RMDN2: variants seen among roughly 807,000 people sequenced by gnomAD.
RMDN2 encodes the protein regulator of microtubule dynamics 2.
Under a neutral mutation model 52.8 loss-of-function variants are expected in RMDN2, and 61 were observed. The ratio of observed to expected loss-of-function variants is 1.16; its 90% CI spans 0.94 to 1.43. RMDN2 has a LOEUF of 1.43. RMDN2 is among the 40% of genes most tolerant of loss of function. RMDN2 has a pLI of 0.00. For missense variants in RMDN2, 592 were observed against 475.3 expected, an observed-to-expected ratio of 1.25 and a Z score of -2.28; for synonymous variants, 180 against 153.1, an observed-to-expected ratio of 1.18 and a Z score of -1.30.
chr2:38,003,604 G>GATAGATAGATAGA (rs1306774545), intron 8 of RMDN2, among the ~76,000 whole-genome samples: 14 of 103,250 alleles, frequency 1.4e-4, no homozygotes, highest in South Asian at 3.3e-4. Context: ...AGATAGATAG[G>GATAGATAGATAGA]CAGACAGACA....
At chr2:38,028,638 G>A (rs1370529310) in intron 10 of RMDN2, among the ~76,000 whole-genome samples, 1 of 152,120 alleles carries the variant, frequency 6.6e-6, no homozygotes, top group African/African-American at 2.4e-5. Flanking sequence ...GGTGCAAATG[G>A]CTGTGCTGCA....
At chr2:37,934,496 A>T (rs1184529139) in intron 2 of RMDN2, among the ~76,000 whole-genome samples, 1 of 152,190 alleles carries the variant, frequency 6.6e-6, no homozygotes, top group Non-Finnish European at 1.5e-5. Flanking sequence ...TTTGGAAAGC[A>T]TCTTTGCTTC....
chr2:37,961,562 A>T (rs1670243027), intron 2 of RMDN2, among the ~76,000 whole-genome samples: 1 of 151,732 alleles, frequency 6.6e-6, no homozygotes, highest in African/African-American at 2.4e-5. Flanking sequence ...TTCTTCCCTA[A>T]ACTGGTTGTT....
intron 4 of RMDN2, among the ~76,000 whole-genome samples, chr2:37,980,509 G>C (rs955292878): frequency 5.3e-5 from 8 of 152,072 alleles, no homozygotes; most frequent in African/African-American, 1.9e-4. Context: ...TCGCCATGTT[G>C]GCCAGATTGG....
At chr2:37,943,044 G>T (rs1572724155) in intron 2 of RMDN2, among the ~76,000 whole-genome samples, 1 of 152,198 alleles carries the variant, frequency 6.6e-6, no homozygotes, top group East Asian at 1.9e-4. Flanking sequence ...GCCAGCATGA[G>T]CAGCCATCCA....
chr2:38,055,569 C>A (rs2125303917), intron 10 of RMDN2, among the ~76,000 whole-genome samples: 1 of 152,292 alleles, frequency 6.6e-6, no homozygotes, highest in South Asian at 2.1e-4. Flanking sequence ...AGGACAAGAT[C>A]TTTGCATCTT....
intron 1 of RMDN2, among the ~76,000 whole-genome samples, chr2:37,926,338 G>C (rs1356914848): frequency 6.6e-6 from 1 of 152,148 alleles, no homozygotes; most frequent in Non-Finnish European, 1.5e-5. Flanking sequence ...TGTTTCTTCA[G>C]ACATTTCTTC....
At chr2:37,972,530 A>G (rs576082701) in intron 2 of RMDN2, among the ~76,000 whole-genome samples, 29 of 152,316 alleles carry the variant, frequency 1.9e-4, no homozygotes, top group Admixed American at 3.3e-4. Context: ...GACCCCTGAA[A>G]GGACTTAGGT....
At chr2:38,051,361 G>A (rs755706507) in intron 10 of RMDN2, among the ~76,000 whole-genome samples, 27 of 152,232 alleles carry the variant, frequency 1.8e-4, no homozygotes, top group Middle Eastern at 3.4e-3. Flanking sequence ...AATGCAATCA[G>A]GTGGAAGGAA....
chr2:38,042,917 G>A (rs1278620263), intron 10 of RMDN2, among the ~76,000 whole-genome samples: 1 of 152,092 alleles, frequency 6.6e-6, no homozygotes, highest in Non-Finnish European at 1.5e-5. Context: ...ATGGCCTAGA[G>A]TGTGGTCTCT....
intron 2 of RMDN2, chr2:37,963,251 G>A (rs534978423): frequency 6.7e-6 from 1 of 150,304 alleles, no homozygotes; most frequent in South Asian, 2.1e-4. Flanking sequence ...TTAAGCCTGA[G>A]CTTCTCCAGG....
At chr2:38,006,630 T>C (rs1677127665) in intron 10 of RMDN2, among the ~76,000 whole-genome samples, 1 of 152,212 alleles carries the variant, frequency 6.6e-6, no homozygotes, top group Admixed American at 6.5e-5. Context: ...TTTCTAGATA[T>C]ACAATCATGT....
chr2:37,969,578 TTA>T (rs1671523322), intron 2 of RMDN2, among the ~76,000 whole-genome samples: 1 of 151,946 alleles, frequency 6.6e-6, no homozygotes, highest in African/African-American at 2.4e-5. Flanking sequence ...TTCTAATTAC[TTA>T]TATGTAAATT....
At chr2:37,960,409 A>C (rs2125010807) in intron 2 of RMDN2, among the ~76,000 whole-genome samples, 1 of 150,700 alleles carries the variant, frequency 6.6e-6, no homozygotes, top group Non-Finnish European at 1.5e-5. Flanking sequence ...AATTACCTTG[A>C]TTTTTTTATT....
intron 10 of RMDN2, among the ~76,000 whole-genome samples, chr2:38,009,530 G>A (rs1573071155): frequency 6.6e-6 from 1 of 152,136 alleles, no homozygotes; most frequent in Non-Finnish European, 1.5e-5. Context: ...CATTTGTCAC[G>A]TAGTTCTCGT....
rs143687069 is a variant in RMDN2, at chr2:37,966,887, T to C, written c.453-7153T>C. ...ATCTAGTTTGAGACACTAAGAAGGA[T>C]AAGACATTAGTTTGATAAAAGCCCC... On this transcript the variant is annotated intron_variant, in intron 2 of 10. Transcript: ENST00000354545. Among the ~76,000 whole-genome samples the C allele has an allele frequency of 2.4e-3, 369 of 152,288 alleles. 3 individuals carry two copies. The highest frequency in any genetic ancestry group is 1.5e-3 in the South Asian group (7 of 4,822).
upstream of RMDN2, among the ~76,000 whole-genome samples, chr2:37,921,091 ACTG>A (rs1666017413): frequency 2.0e-5 from 3 of 152,230 alleles, no homozygotes; most frequent in South Asian, 2.1e-4. Context: ...TCAACATTGA[ACTG>A]CTAAGTAGCA....
At chr2:37,956,013 T>C (rs1443983610) in intron 2 of RMDN2, among the ~76,000 whole-genome samples, 1 of 152,206 alleles carries the variant, frequency 6.6e-6, no homozygotes, top group African/African-American at 2.4e-5. Flanking sequence ...TAGTTTTCTT[T>C]ACTGGTAGTG....
chr2:38,014,926 G>C (rs1678536431), intron 10 of RMDN2, among the ~76,000 whole-genome samples: 1 of 152,176 alleles, frequency 6.6e-6, no homozygotes, highest in Non-Finnish European at 1.5e-5. Flanking sequence ...AGATTTATGA[G>C]AAAATAAAAC....
Sources: gnomAD v4.1 joint callset for allele counts (sites outside exome capture counted in the v4.1 genomes callset) on GRCh38, gnomAD v4.1.1 for gene constraint, MANE v1.5 for transcripts, NCBI Gene and HGNC (gene_info 2026-07-23, HGNC 2026-07-21) for gene names.